GPHN: variants seen among roughly 807,000 people sequenced by gnomAD.
The protein encoded by GPHN is gephyrin.
A neutral mutation model predicts 95.5 loss-of-function variants in GPHN; 17 were observed. The ratio of observed to expected loss-of-function variants is 0.18; its 90% confidence interval spans 0.12 to 0.27. The LOEUF is 0.27. Among genes scored for constraint, GPHN ranks in the 10% least tolerant of loss-of-function variants. GPHN has a pLI of 1.00. For synonymous variants in GPHN, 320 were observed against 322.5 expected, an observed-to-expected ratio of 0.99 and a Z score of 0.08; for missense variants, 660 against 978.1, an observed-to-expected ratio of 0.67 and a Z score of 4.34.
chr14:67,522,112 G>T, the GPHN span, among the ~76,000 whole-genome samples: 1 of 152,210 alleles, frequency 6.6e-6, no homozygotes, highest in Non-Finnish European at 1.5e-5. Flanking sequence ...GGCGGAGGTT[G>T]CAGTGAGCTG....
rs188490762 is a variant in GPHN at position 67,075,836 on chromosome 14, C to T, written c.1145-13147C>T. Among the ~76,000 whole-genome samples the T allele has an allele frequency of 2.9e-3, 434 of 152,194 alleles. 2 individuals are homozygous for T. Among genetic ancestry groups the T allele is most frequent in the Non-Finnish European group, 4.3e-3 (292 of 68,000 alleles). On this transcript the variant is annotated intron_variant, in intron 11 of 22. Transcript: ENST00000478722. ...ACTTGAACAGATAAGGAGTTACTTC[C>T]TATGGATGAGTAAAGAAAGGGGCTT...
chr14:67,452,503 G>T, the GPHN span, among the ~76,000 whole-genome samples: 2 of 152,046 alleles, frequency 1.3e-5, no homozygotes, highest in Non-Finnish European at 2.9e-5. Flanking sequence ...CCCAGTCTCC[G>T]CTATGTCTTT....
intron 17 of GPHN, among the ~76,000 whole-genome samples, chr14:67,134,549 AAATC>A (rs1798338177): frequency 6.6e-6 from 1 of 152,206 alleles, no homozygotes; most frequent in South Asian, 2.1e-4. Context: ...GACTGACTTG[AAATC>A]AAGTTTCATT....
chr14:67,648,140 C>T, the GPHN span: 1 of 1,614,042 alleles, frequency 6.2e-7, no homozygotes, highest in East Asian at 2.2e-5. Context: ...GGGGACTAAC[C>T]TATCGAGAAG....
chr14:67,692,881 T>C, the GPHN span: 301 of 1,219,606 alleles, frequency 2.5e-4, 1 homozygote, highest in Middle Eastern at 9.2e-3. Flanking sequence ...TCATCATTAC[T>C]GTGAGGGGTA....
rs568874395 is a variant in GPHN, at chr14:66,637,256, A to G, written c.65-43851A>G. On this transcript the variant is annotated intron_variant, in intron 1 of 22. Transcript: ENST00000478722. ...TAAATCTCTAATGATATGCCTTTGC[A>G]CTTAGGATAAAATACAAAATCTTTG... Among the ~76,000 whole-genome samples the G allele has an allele frequency of 2.6e-5, 4 of 152,296 alleles. No homozygotes were observed. The South Asian group carries it at 6.2e-4, about 24-fold the overall frequency.
the GPHN span, chr14:67,579,693 C>G: frequency 6.2e-7 from 1 of 1,606,474 alleles, no homozygotes; most frequent in African/African-American, 1.3e-5. Context: ...GAGGTTCACT[C>G]AGGGTTGGAA....
chr14:67,105,816 T>C (rs2078003607), intron 13 of GPHN, among the ~76,000 whole-genome samples: 1 of 152,180 alleles, frequency 6.6e-6, no homozygotes, highest in Non-Finnish European at 1.5e-5. Context: ...CGGAATTTAA[T>C]CTATTTACAT....
the GPHN span, among the ~76,000 whole-genome samples, chr14:67,696,995 T>C: frequency 5.2e-5 from 8 of 152,404 alleles, no homozygotes; most frequent in African/African-American, 1.9e-4. Flanking sequence ...ATTCTCATTA[T>C]TGTGTTACCT....
At chr14:66,674,122 G>A (rs1231845155) in intron 1 of GPHN, among the ~76,000 whole-genome samples, 5 of 142,150 alleles carry the variant, frequency 3.5e-5, no homozygotes, top group African/African-American at 8.2e-5. Context: ...TTTTTGAGAT[G>A]GAATCTCGCT....
the GPHN span, among the ~76,000 whole-genome samples, chr14:67,356,434 C>CAAAAAAAAAAAAAAAAA: frequency 2.3e-5 from 3 of 129,742 alleles, no homozygotes; most frequent in Non-Finnish European, 3.6e-5. Flanking sequence ...AAAACAAAAA[C>CAAAAAAAAAAAAAAAAA]AAAAAAAAAA....
At chr14:66,560,973 G>A (rs1825871959) in intron 1 of GPHN, among the ~76,000 whole-genome samples, 1 of 152,066 alleles carries the variant, frequency 6.6e-6, no homozygotes, top group African/African-American at 2.4e-5. Context: ...TTTTGTCAAA[G>A]GCCTTTTCTG....
At chr14:67,320,108 G>A in the GPHN span, 85 of 734,616 alleles carry the variant, frequency 1.2e-4, no homozygotes, top group Middle Eastern at 1.6e-3. Context: ...TGATACCCTA[G>A]CAAGGATGTA....
chr14:67,116,760 C>T (rs1348813938), intron 16 of GPHN, among the ~76,000 whole-genome samples: 1 of 152,190 alleles, frequency 6.6e-6, no homozygotes, highest in Non-Finnish European at 1.5e-5. Context: ...TTTTCTAATA[C>T]AATTTGTAAA....
intron 1 of GPHN, among the ~76,000 whole-genome samples, chr14:66,675,616 T>C (rs760032681): frequency 6.6e-6 from 1 of 152,188 alleles, no homozygotes; most frequent in Non-Finnish European, 1.5e-5. Flanking sequence ...CTTTTTAGTT[T>C]GGTATAGTTC....
intron 3 of GPHN, among the ~76,000 whole-genome samples, chr14:66,795,742 A>T (rs767268277): frequency 4.6e-5 from 7 of 152,206 alleles, no homozygotes; most frequent in Non-Finnish European, 2.9e-5. Context: ...TATAGGGCAC[A>T]TGAGATGTTT....
intron 8 of GPHN, among the ~76,000 whole-genome samples, chr14:66,952,049 A>G (rs1416150247): frequency 6.6e-6 from 1 of 152,178 alleles, no homozygotes; most frequent in Non-Finnish European, 1.5e-5. Context: ...ATAACATAAA[A>G]TTCACCATTC....
chr14:67,557,496 C>G, the GPHN span: 1 of 1,382,078 alleles, frequency 7.2e-7, no homozygotes, highest in East Asian at 2.3e-5. Flanking sequence ...TGAGCTGTTC[C>G]GCTCAAGCCC....
At chr14:67,047,763 C>A (rs1323212146) in intron 10 of GPHN, among the ~76,000 whole-genome samples, 1 of 152,170 alleles carries the variant, frequency 6.6e-6, no homozygotes, top group African/African-American at 2.4e-5. Context: ...GGGTTTGAAA[C>A]CAGTCTGAGC....
Sources: allele counts gnomAD v4.1 joint callset (sites outside exome capture counted in the v4.1 genomes callset), GRCh38; gene constraint gnomAD v4.1.1; transcripts MANE v1.5; gene names NCBI Gene and HGNC (gene_info 2026-07-23, HGNC 2026-07-21).